Variants in SLA observed in about 807,000 individuals in gnomAD.
The protein encoded by SLA is Src like adaptor.
Under a neutral mutation model 30.3 loss-of-function variants are expected in SLA, and 16 were observed. That is an observed-to-expected ratio of 0.53 (90% CI 0.36 to 0.80). The LOEUF is 0.80. SLA is among the 30% of genes least tolerant of loss of function. SLA has a pLI of 0.01. For missense variants in SLA, 310 were observed against 345.2 expected, an observed-to-expected ratio of 0.90 and a Z score of 0.81; for synonymous variants, 143 against 137.8, an observed-to-expected ratio of 1.04 and a Z score of -0.26.
chr8:133,085,936 A>G (rs1161739064), intron 1 of SLA, among the ~76,000 whole-genome samples: 2 of 152,230 alleles, frequency 1.3e-5, no homozygotes, highest in Non-Finnish European at 2.9e-5. Context: ...TCACAACAGC[A>G]TTATTCATAA....
chr8:133,069,809 C>T (rs1214209229), intron 2 of SLA, among the ~76,000 whole-genome samples: 4 of 151,602 alleles, frequency 2.6e-5, no homozygotes, highest in East Asian at 1.9e-4. Flanking sequence ...AAGACCAGCC[C>T]GGCCAACATG....
chr8:133,085,337 G>GA (rs1206636767), intron 1 of SLA, among the ~76,000 whole-genome samples: 1 of 152,046 alleles, frequency 6.6e-6, no homozygotes, highest in African/African-American at 2.4e-5. Flanking sequence ...GGCAGCAAAA[G>GA]AAAAAATAGA....
chr8:133,082,994 C>T (rs553967439), intron 1 of SLA, among the ~76,000 whole-genome samples: 49 of 152,290 alleles, frequency 3.2e-4, no homozygotes, highest in Non-Finnish European at 5.9e-4. Flanking sequence ...CCCACTGAGC[C>T]ACAACTAATT....
intron 2 of SLA, among the ~76,000 whole-genome samples, chr8:133,070,621 T>C (rs1843857061): frequency 6.6e-6 from 1 of 152,252 alleles, no homozygotes; most frequent in Admixed American, 6.5e-5. Flanking sequence ...CAAGGCTTGT[T>C]CAGGGCTGGG....
At chr8:133,083,227 G>C (rs1846019016) in intron 1 of SLA, among the ~76,000 whole-genome samples, 1 of 152,218 alleles carries the variant, frequency 6.6e-6, no homozygotes, top group East Asian at 1.9e-4. Flanking sequence ...TTTATAACCT[G>C]TAAAACACTA....
In SLA at chr8:133,040,075, C is replaced by A; in HGVS notation, c.540G>T (p.Thr180=). Reference sequence around the variant, plus strand: ...TGGAGGCCCTCACTGCTGGGGCAGCCGTGCTTTGTGTCAGGCAGGGCGTGG... The same window carrying A: ...TGGAGGCCCTCACTGCTGGGGCAGCAGTGCTTTGTGTCAGGCAGGGCGTGG... ...VLTTPCLTQS[T]AAPAVRASSS... is the part of the protein sequence containing the mutation. The change falls in exon 8 of 9, where the codon ACG becomes ACT. Residue 180 remains threonine (T), a synonymous_variant. Transcript: ENST00000338087. 1.3e-6 allele frequency: 2 copies of A among 1,559,036 alleles called. No homozygotes were observed. The highest frequency in any genetic ancestry group is 1.7e-6 in the Non-Finnish European group (2 of 1,151,048).
intron 7 of SLA, among the ~76,000 whole-genome samples, chr8:133,041,784 G>GTTTTT (rs529937626): frequency 1.6e-5 from 2 of 124,422 alleles, no homozygotes; most frequent in African/African-American, 6.3e-5. Context: ...CTTGTGGTCA[G>GTTTTT]TTTTTTTTTT....
chr8:133,072,447 TG>T (rs1200343087), intron 2 of SLA, among the ~76,000 whole-genome samples: 1 of 152,024 alleles, frequency 6.6e-6, no homozygotes, highest in Non-Finnish European at 1.5e-5. Context: ...GATGGATAGA[TG>T]GATAGATAGA....
chr8:133,091,895 ATGAC>A (rs1049116160), intron 1 of SLA, among the ~76,000 whole-genome samples: 13 of 151,222 alleles, frequency 8.6e-5, no homozygotes, highest in Admixed American at 4.0e-4. Context: ...GTCTCTATCT[ATGAC>A]TGTGTGTCTC....
In SLA at chr8:133,050,904, C is replaced by G. The variant is rs148579032; in HGVS notation, c.73G>C (p.Asp25His). ...TAGTCACTTAGCACGGCAAGGAAGTCGCTATCCAGTCCTGGGGAAACAAAG... is the reference window on the plus strand; with the variant it reads ...TAGTCACTTAGCACGGCAAGGAAGTGGCTATCCAGTCCTGGGGAAACAAAG... Reference protein sequence around the residue: ...PLPNPEGLDSDFLAVLSDYPS... With the variant: ...PLPNPEGLDSHFLAVLSDYPS... The change falls in exon 4 of 9, where the codon GAC (aspartate) becomes CAC (histidine). Residue 25 changes from aspartate to histidine, a missense_variant. Asp to His is a moderately conservative substitution (Grantham distance 81). Coordinates refer to ENST00000338087, the MANE Select transcript of SLA (RefSeq NM_001045556.3). The G allele has an allele frequency of 6.2e-7, 1 of 1,611,896 alleles. No homozygotes were observed. The highest frequency in any genetic ancestry group is 8.5e-7 in the Non-Finnish European group (1 of 1,178,088).
chr8:133,095,310 A>G, intron 1 of SLA: 1 of 1,523,952 alleles, frequency 6.6e-7, no homozygotes, highest in Non-Finnish European at 9.1e-7. Context: ...GCCATACCAC[A>G]CATGAGGCTG....
At chr8:133,065,750 G>C (rs1291220179) in intron 2 of SLA, among the ~76,000 whole-genome samples, 1 of 151,546 alleles carries the variant, frequency 6.6e-6, no homozygotes, top group Non-Finnish European at 1.5e-5. Context: ...AAACAAGAGT[G>C]AAACTCCGTC....
At chr8:133,041,176 C>G (rs1838155722) in intron 7 of SLA, among the ~76,000 whole-genome samples, 1 of 152,252 alleles carries the variant, frequency 6.6e-6, no homozygotes, top group South Asian at 2.1e-4. Flanking sequence ...TGAGGTGCCA[C>G]TGGCCTCCGG....
chr8:133,098,735 G>A (rs1848812616), intron 1 of SLA, among the ~76,000 whole-genome samples: 1 of 152,200 alleles, frequency 6.6e-6, no homozygotes, highest in Non-Finnish European at 1.5e-5. Flanking sequence ...CAACTCAGTG[G>A]AAATGCCATC....
rs2702990 is a variant in SLA at position 133,068,942 on chromosome 8, G to C, written c.-41+5911C>G. The stretch of plus-strand genomic sequence containing the variant: ...TATAAATGGGGTTTGGCCTAGGCCA[G>C]GTCCTGGATACCTCTAGATCATATA... On this transcript the variant is annotated intron_variant, in intron 2 of 8. Coordinates refer to ENST00000338087, the MANE Select transcript of SLA (RefSeq NM_001045556.3). Among the ~76,000 whole-genome samples, 110 of 152,388 alleles carry C rather than the reference G, an allele frequency of 7.2e-4. 3 individuals carry two copies. The East Asian group carries it at 0.02, about 27-fold the overall frequency.
At chr8:133,099,466 C>A (rs1415785981) in intron 1 of SLA, among the ~76,000 whole-genome samples, 1 of 152,214 alleles carries the variant, frequency 6.6e-6, no homozygotes, top group Non-Finnish European at 1.5e-5. Flanking sequence ...TGCATGCAAT[C>A]ATCTCCTAAA....
At position 133,044,154 on chromosome 8, in the gene SLA, T is replaced by A. The variant is rs576546787; in HGVS notation, c.484+830A>T. On this transcript the variant is annotated intron_variant, in intron 7 of 8. Transcript: ENST00000338087. ...GTGGATCTGGGATAGAAACAGAGCT[T>A]CCTGAGTGGGTTTTTGGAAATGTAG... Among the ~76,000 whole-genome samples the A allele has an allele frequency of 5.9e-5, 9 of 152,306 alleles. No individual in the cohort carries two copies. In the South Asian group the frequency reaches 8.3e-4, roughly 14 times the overall value.
intron 3 of SLA, among the ~76,000 whole-genome samples, chr8:133,051,702 G>A (rs1037873967): frequency 1.1e-4 from 17 of 152,276 alleles, no homozygotes; most frequent in Non-Finnish European, 2.5e-4. Flanking sequence ...GACACTGAGC[G>A]ATACGTCTGC....
At chr8:133,092,042 G>A (rs1847634081) in intron 1 of SLA, among the ~76,000 whole-genome samples, 1 of 152,178 alleles carries the variant, frequency 6.6e-6, no homozygotes. Context: ...TCCTGGTGCT[G>A]CTTTAAAACA....
Sources: gnomAD v4.1 joint callset for allele counts (sites outside exome capture counted in the v4.1 genomes callset) on GRCh38, gnomAD v4.1.1 for gene constraint, MANE v1.5 for transcripts, NCBI Gene and HGNC (gene_info 2026-07-23, HGNC 2026-07-21) for gene names.